CD1B: variants seen among roughly 807,000 people sequenced by gnomAD.
CD1B encodes T-cell surface glycoprotein CD1b.
Under a neutral mutation model 39.8 loss-of-function variants are expected in CD1B, and 43 were observed. The ratio of observed to expected loss-of-function variants is 1.08; its 90% CI spans 0.85 to 1.39. The LOEUF (loss-of-function observed/expected upper bound fraction) is 1.39. Ranked by LOEUF, CD1B falls within the 40% of genes most tolerant of loss-of-function variation. The pLI is 0.00. For missense variants in CD1B, 495 were observed against 403.8 expected, an observed-to-expected ratio of 1.23 and a Z score of -1.94; for synonymous variants, 192 against 152.5, an observed-to-expected ratio of 1.26 and a Z score of -1.91.
chr1:158,305,998 C>T, the CD1B span, among the ~76,000 whole-genome samples: 5 of 152,148 alleles, frequency 3.3e-5, no homozygotes, highest in African/African-American at 9.7e-5. Flanking sequence ...TAAAGACTGT[C>T]GAGGCTAGGA....
the CD1B span, among the ~76,000 whole-genome samples, chr1:158,320,311 C>T: frequency 2.0e-5 from 3 of 152,218 alleles, no homozygotes; most frequent in Admixed American, 6.5e-5. Context: ...ATCAGCTAGA[C>T]TCTGTGGGCG....
intron 2 of CD1B, 43 bp from the exon 3 acceptor site, chr1:158,330,173 G>GA (rs758636210): frequency 6.5e-6 from 10 of 1,529,034 alleles, no homozygotes; most frequent in South Asian, 6.3e-5. Context: ...ACACAAATAA[G>GA]AAAAAAAGGC....
At chr1:158,314,801 A>T in the CD1B span, among the ~76,000 whole-genome samples, 12 of 92,496 alleles carry the variant, frequency 1.3e-4, no homozygotes, top group East Asian at 3.9e-4. Context: ...TGCTATCCCT[A>T]CCCCCTCCCC....
At chr1:158,308,866 AC>A in the CD1B span, among the ~76,000 whole-genome samples, 28 of 152,346 alleles carry the variant, frequency 1.8e-4, no homozygotes, top group African/African-American at 6.7e-4. Context: ...TAGACCTGAA[AC>A]CGTAAAAACC....
the CD1B span, among the ~76,000 whole-genome samples, chr1:158,313,973 T>A: frequency 6.6e-6 from 1 of 152,172 alleles, no homozygotes; most frequent in Non-Finnish European, 1.5e-5. Flanking sequence ...AATGGTCTCT[T>A]ATGGTCCTTT....
intron 1 of CD1B, 51 bp downstream of exon 1, chr1:158,331,312 T>A: frequency 1.3e-6 from 2 of 1,556,908 alleles, no homozygotes; most frequent in Non-Finnish European, 1.8e-6. Context: ...GCTTGCTTTT[T>A]AAAATCCAAA....
Position 158,330,768 on chromosome 1 carries a change from T to C in CD1B, c.328+28A>G, listed in dbSNP as rs768905425. On this transcript the variant is annotated intron_variant, in intron 2 of 5. Coordinates refer to ENST00000368168, the MANE Select transcript of CD1B (RefSeq NM_001764.3). ...AGAGAGAAAAGAGAGTCCTTGAGAC[T>C]CTTCCCAGTTCGGTGGACTAGACTC... 24 of 1,611,676 alleles carry C rather than the reference T, an allele frequency of 1.5e-5. No individual in the cohort carries two copies. In the East Asian group the frequency reaches 5.3e-4, roughly 36 times the overall value.
chr1:158,320,780 C>T, the CD1B span, among the ~76,000 whole-genome samples: 2 of 151,874 alleles, frequency 1.3e-5, no homozygotes, highest in African/African-American at 4.8e-5. Context: ...ACTGGTTGTT[C>T]AGCTGTATGT....
chr1:158,317,621 G>C, the CD1B span, among the ~76,000 whole-genome samples: 3 of 152,034 alleles, frequency 2.0e-5, no homozygotes, highest in Admixed American at 2.0e-4. Flanking sequence ...CCAGCTCCTG[G>C]ATTCATTAAT....
At chr1:158,323,539 T>C (rs1281199421), downstream of CD1B, among the ~76,000 whole-genome samples, 1 of 152,228 alleles carries the variant, frequency 6.6e-6, no homozygotes, top group Non-Finnish European at 1.5e-5. Context: ...CTGGTTGTTC[T>C]TGATGCTTGT....
At chr1:158,304,503 T>G in the CD1B span, among the ~76,000 whole-genome samples, 2 of 152,138 alleles carry the variant, frequency 1.3e-5, no homozygotes, top group Non-Finnish European at 2.9e-5. Context: ...GTAGACTCCA[T>G]GTCTGGGGGC....
At chr1:158,322,088 A>G in the CD1B span, among the ~76,000 whole-genome samples, 1 of 152,180 alleles carries the variant, frequency 6.6e-6, no homozygotes, top group Admixed American at 6.5e-5. Context: ...TCATGTCCCA[A>G]TTTACATCTT....
the CD1B span, chr1:158,292,706 C>T: frequency 4.6e-5 from 75 of 1,613,968 alleles, no homozygotes; most frequent in Middle Eastern, 1.7e-4. Context: ...GACATGGATG[C>T]GGAATGAACA....
At chr1:158,285,451 T>G in the CD1B span, among the ~76,000 whole-genome samples, 1 of 152,074 alleles carries the variant, frequency 6.6e-6, no homozygotes, top group East Asian at 1.9e-4. Context: ...GTGCTTAGAA[T>G]GAATGGGTAG....
chr1:158,296,607 T>C, the CD1B span, among the ~76,000 whole-genome samples: 9 of 152,236 alleles, frequency 5.9e-5, no homozygotes, highest in South Asian at 1.9e-3. Flanking sequence ...CTAAAATGGC[T>C]GAGATAATAG....
the CD1B span, among the ~76,000 whole-genome samples, chr1:158,302,076 A>G: frequency 2.0e-5 from 3 of 152,158 alleles, no homozygotes; most frequent in Admixed American, 6.5e-5. Flanking sequence ...AAAAAAACCA[A>G]AATCATACCA....
rs1652573140 is a variant in CD1B, at chr1:158,330,877, C to A, written c.247G>T (p.Glu83Ter). The change falls in exon 2 of 6, where the codon GAG (glutamate) becomes TAG (stop). Residue 83 changes from glutamate to a stop codon, truncating the protein, a stop_gained. Coordinates refer to ENST00000368168, the MANE Select transcript of CD1B (RefSeq NM_001764.3). LOFTEE classifies it high-confidence loss of function. ...KGNFSDKEVA[E>*]LEEIFRVYIF... ...TAGACTCGGAATATCTCCTCTAACT[C>A]AGCAACCTCCTTATCACTAAAGTTA... 6.2e-7 allele frequency: 1 copy of A among 1,614,090 alleles called. No homozygotes were observed. The highest frequency in any genetic ancestry group is 2.2e-5 in the East Asian group (1 of 44,880).
chr1:158,301,476 A>C, the CD1B span, among the ~76,000 whole-genome samples: 2 of 152,062 alleles, frequency 1.3e-5, no homozygotes, highest in African/African-American at 4.8e-5. Context: ...CTTGTAAGGC[A>C]GGTCTGGTGG....
At chr1:158,308,068 T>C in the CD1B span, among the ~76,000 whole-genome samples, 5 of 152,150 alleles carry the variant, frequency 3.3e-5, no homozygotes, top group African/African-American at 1.2e-4. Flanking sequence ...GATGACATGA[T>C]TGTATATCTA....
Sources: allele counts gnomAD v4.1 joint callset (sites outside exome capture counted in the v4.1 genomes callset), GRCh38; gene constraint gnomAD v4.1.1; transcripts MANE v1.5; gene names NCBI Gene and HGNC (gene_info 2026-07-23, HGNC 2026-07-21).